Variants in VGLL4 observed in about 807,000 individuals in gnomAD.
VGLL4 encodes transcription cofactor vestigial-like protein 4.
VGLL4 carries 7 observed loss-of-function variants against 21.0 expected under a neutral mutation model. The observed-to-expected ratio is 0.33, with a 90% confidence interval of 0.19 to 0.63. The LOEUF is 0.63. Ranked by LOEUF, VGLL4 falls within the 20% of genes least tolerant of loss-of-function variation. The probability of loss-of-function intolerance (pLI) is 0.78; values close to 1 mark genes in which losing one functional copy is unlikely to be tolerated. For missense variants in VGLL4, 394 were observed against 425.7 expected (o/e 0.93, Z 0.66); for synonymous variants, 222 against 173.2 (o/e 1.28, Z -2.21).
chr3:11,602,158 C>A (rs938373937), intron 1 of VGLL4, 136 bp from the exon 2 acceptor site: 1 of 703,508 alleles, frequency 1.4e-6, no homozygotes, highest in African/African-American at 1.9e-5. Flanking sequence ...GACGGGGCCG[C>A]CTGCCATCCT....
intron 2 of VGLL4, among the ~76,000 whole-genome samples, chr3:11,671,069 A>G (rs1013822599): frequency 3.9e-5 from 6 of 152,206 alleles, no homozygotes; most frequent in African/African-American, 1.4e-4. Context: ...TGGTGCATTA[A>G]GGAGAGTCGA....
At chr3:11,570,263 G>GC (rs1485624479) in intron 2 of VGLL4, among the ~76,000 whole-genome samples, 3 of 151,858 alleles carry the variant, frequency 2.0e-5, no homozygotes, top group African/African-American at 7.3e-5. Flanking sequence ...TCACCTCGCA[G>GC]CTCCATCCCA....
At chr3:11,615,372 C>T (rs2075142731) in intron 1 of VGLL4, among the ~76,000 whole-genome samples, 1 of 152,200 alleles carries the variant, frequency 6.6e-6, no homozygotes. Flanking sequence ...AATGAGCTGT[C>T]CCTACAAATT....
rs527989902 is a variant in VGLL4 at position 11,624,459 on chromosome 3, G to A, written c.82+18978C>T. Among the ~76,000 whole-genome samples the A allele has an allele frequency of 3.3e-5, 5 of 152,238 alleles. No homozygotes were observed. In the South Asian group the frequency reaches 6.2e-4, roughly 19 times the overall value. ...GGTTACCTCCTGCCAGCACTAACAC[G>A]TGAAACAGCTCAAGACCAGCTTTAG... On this transcript the variant is annotated intron_variant, in intron 1 of 4. Transcript: ENST00000430365.
At chr3:11,691,498 C>T (rs1415848971) in intron 2 of VGLL4, among the ~76,000 whole-genome samples, 3 of 152,162 alleles carry the variant, frequency 2.0e-5, no homozygotes, top group Non-Finnish European at 2.9e-5. Flanking sequence ...GGTGTAAATA[C>T]ACCCATCATG....
intron 2 of VGLL4, among the ~76,000 whole-genome samples, chr3:11,664,028 G>T (rs2076073661): frequency 6.6e-6 from 1 of 152,050 alleles, no homozygotes; most frequent in South Asian, 2.1e-4. Context: ...AAGGCGGGAG[G>T]ATCACCTGAG....
rs542577622 is a variant in VGLL4, at chr3:11,578,894, C to T, written c.273-13875G>A. ...CCTCCCAAGTAGCTGGGACTACAAGCGCCCGCCACCACGCCCGGCTAATTT... is the reference window on the plus strand; with the variant it reads ...CCTCCCAAGTAGCTGGGACTACAAGTGCCCGCCACCACGCCCGGCTAATTT... On this transcript the variant is annotated intron_variant, in intron 2 of 4. Coordinates refer to ENST00000430365, the MANE Select transcript of VGLL4 (RefSeq NM_001128219.3). Among the ~76,000 whole-genome samples the T allele has an allele frequency of 9.2e-5, 14 of 151,872 alleles. No individual in the cohort carries two copies. The East Asian group carries it at 2.7e-3, about 30-fold the overall frequency.
At chr3:11,561,416 C>A (rs75609208) in intron 3 of VGLL4, among the ~76,000 whole-genome samples, 3 of 152,144 alleles carry the variant, frequency 2.0e-5, no homozygotes, top group African/African-American at 7.2e-5. Context: ...TGAGCTGGGG[C>A]GAATTGCCTT....
chr3:11,641,953 T>C (rs1417980085), intron 1 of VGLL4, among the ~76,000 whole-genome samples: 1 of 152,106 alleles, frequency 6.6e-6, no homozygotes, highest in Non-Finnish European at 1.5e-5. Context: ...GTATTACTTG[T>C]TGGCAAAGAC....
At chr3:11,614,418 G>A (rs767836385) in intron 1 of VGLL4, among the ~76,000 whole-genome samples, 2 of 152,248 alleles carry the variant, frequency 1.3e-5, no homozygotes, top group Admixed American at 6.5e-5. Flanking sequence ...AGACCCTGAG[G>A]AGTAAGATGG....
chr3:11,642,833 AC>A (rs370115610), intron 1 of VGLL4, among the ~76,000 whole-genome samples: 1 of 151,790 alleles, frequency 6.6e-6, no homozygotes, highest in South Asian at 2.1e-4. Context: ...CGCGAGGAAC[AC>A]CCCCCAGTGT....
chr3:11,655,211 AC>A (rs2075939278), intron 2 of VGLL4, among the ~76,000 whole-genome samples: 1 of 152,240 alleles, frequency 6.6e-6, no homozygotes, highest in African/African-American at 2.4e-5. Context: ...GGAAATAACT[AC>A]ACTTAGCAGT....
intron 1 of VGLL4, among the ~76,000 whole-genome samples, chr3:11,634,096 C>T (rs2075539867): frequency 6.6e-6 from 1 of 152,160 alleles, no homozygotes; most frequent in Non-Finnish European, 1.5e-5. Flanking sequence ...CCAAGTATCT[C>T]CAGCAGCAGC....
chr3:11,604,367 T>C lies in VGLL4; in HGVS notation c.83-2345A>G. On this transcript the variant is annotated intron_variant, in intron 1 of 4. Transcript: ENST00000430365. ...CAGGTTAGCTGGAGGCAAGAACCCA[T>C]GGCCTCTGCAATCAGACAACGCCTC... The C allele has an allele frequency of 2.1e-6, 2 of 950,974 alleles. 1 individual carries two copies. Among genetic ancestry groups the C allele is most frequent in the Middle Eastern group, 1.1e-3 (2 of 1,830 alleles). 58.9% of individuals were successfully genotyped at this position (950,974 alleles called of 1,614,324 possible).
rs1047324913 is a variant in VGLL4, at chr3:11,557,206, T to G, written c.*1350A>C. 2 of 152,802 alleles carry G rather than the reference T, an allele frequency of 1.3e-5. No homozygotes were observed. The highest frequency in any genetic ancestry group is 2.4e-5 in the African/African-American group (1 of 41,458). The allele number at this position is 152,802 out of a possible 1,614,324, so 9.5% of individuals were successfully genotyped here. A position where few individuals can be genotyped will look rare whatever the true frequency, so the allele number is the denominator to read the frequency against. On this transcript the variant is annotated 3_prime_UTR_variant, in exon 5 of 5. Coordinates refer to ENST00000430365, the MANE Select transcript of VGLL4 (RefSeq NM_001128219.3). ...AGCTGTGTCTGTCATGCTTGCTTCA[T>G]CTAATTTCTAGTTAGTAGCTATTAA...
intron 2 of VGLL4, among the ~76,000 whole-genome samples, chr3:11,599,737 C>G (rs1370736113): frequency 2.0e-5 from 3 of 148,730 alleles, no homozygotes; most frequent in Non-Finnish European, 4.4e-5. Context: ...CTAGGCTGGT[C>G]TCGAACTCCT....
At chr3:11,707,737 T>C (rs551254250) in intron 1 of VGLL4, among the ~76,000 whole-genome samples, 3 of 152,140 alleles carry the variant, frequency 2.0e-5, no homozygotes, top group African/African-American at 4.8e-5. Context: ...CGTATACCTA[T>C]AGTCCCAGCT....
chr3:11,560,067 C>T (rs1003709125), intron 3 of VGLL4, among the ~76,000 whole-genome samples: 22 of 152,248 alleles, frequency 1.4e-4, no homozygotes, highest in African/African-American at 4.8e-4. Context: ...CCCCCACCCC[C>T]ACGCTGTCTG....
chr3:11,582,173 C>T, intron 2 of VGLL4: 2 of 1,278,738 alleles, frequency 1.6e-6, no homozygotes, highest in Non-Finnish European at 2.2e-6. Context: ...TCTACCTCTC[C>T]CAGCACTTGC....
Sources: gnomAD v4.1 joint callset for allele counts (sites outside exome capture counted in the v4.1 genomes callset) on GRCh38, gnomAD v4.1.1 for gene constraint, MANE v1.5 for transcripts, NCBI Gene and HGNC (gene_info 2026-07-23, HGNC 2026-07-21) for gene names.